The following LUZP2 variants were observed in gnomAD, a reference collection of about 807,000 sequenced individuals.
The protein encoded by LUZP2 is leucine zipper protein 2.
Under a neutral mutation model 51.6 loss-of-function variants are expected in LUZP2, and 52 were observed. That is an observed-to-expected ratio of 1.01 (90% CI 0.81 to 1.27). The LOEUF (loss-of-function observed/expected upper bound fraction) is 1.27, where lower values mean the gene tolerates loss of function less well. Ranked by LOEUF, LUZP2 falls within the 50% of genes most tolerant of loss-of-function variation. The pLI is 0.00. For missense variants in LUZP2, 436 were observed against 395.4 expected (o/e 1.10, Z -0.87); for synonymous variants, 154 against 137.3 (o/e 1.12, Z -0.85).
rs373412555 is a variant in LUZP2 at position 24,763,197 on chromosome 11, A to G, written c.334-49A>G. On this transcript the variant is annotated intron_variant, in intron 4 of 11. Coordinates refer to ENST00000336930, the MANE Select transcript of LUZP2 (RefSeq NM_001009909.4). ...AATAATGAAAAAAATAATGAAAGCC[A>G]TGGTAATGAGTTTGGAATGTGTCTA... 77 of 810,140 alleles carry G rather than the reference A, an allele frequency of 9.5e-5. 1 individual carries two copies. In the African/African-American group the frequency reaches 1.2e-3, roughly 13 times the overall value. 50.2% of individuals were successfully genotyped at this position (810,140 alleles called of 1,614,324 possible). A position where few individuals can be genotyped will look rare whatever the true frequency, so the allele number is the denominator to read the frequency against.
intron 1 of LUZP2, among the ~76,000 whole-genome samples, chr11:24,682,457 T>G (rs1262816872): frequency 6.7e-6 from 1 of 148,262 alleles, no homozygotes; most frequent in African/African-American, 2.5e-5. Flanking sequence ...ATCGTGCCAC[T>G]GCACTCCAGC....
chr11:24,786,341 T>C (rs1422029033), intron 5 of LUZP2: 1 of 982,102 alleles, frequency 1.0e-6, no homozygotes, highest in Non-Finnish European at 1.2e-6. Context: ...TCAGAATTCA[T>C]GGGCATATCT....
chr11:24,583,963 C>T (rs11028039), intron 1 of LUZP2, among the ~76,000 whole-genome samples: 25,192 of 151,618 alleles, frequency 0.17, 2,309 homozygotes, highest in African/African-American at 0.22. Flanking sequence ...CCGCCGGTCT[C>T]GGCCTCCCAA....
At chr11:24,567,524 T>C (rs1852285160) in intron 1 of LUZP2, among the ~76,000 whole-genome samples, 1 of 152,008 alleles carries the variant, frequency 6.6e-6, no homozygotes, top group South Asian at 2.1e-4. Context: ...CAAAGCCAGA[T>C]ACACCATAGT....
At chr11:24,626,098 A>G (rs186858531) in intron 1 of LUZP2, among the ~76,000 whole-genome samples, 4 of 152,248 alleles carry the variant, frequency 2.6e-5, no homozygotes, top group Admixed American at 2.6e-4. Flanking sequence ...TCGGAGGGTT[A>G]TTTTCCTGAT....
At chr11:24,955,304 TA>T (rs1855184033) in intron 7 of LUZP2, among the ~76,000 whole-genome samples, 2 of 151,924 alleles carry the variant, frequency 1.3e-5, no homozygotes, top group Non-Finnish European at 2.9e-5. Context: ...TACTGAGTGT[TA>T]AAAATATCTG....
chr11:25,050,091 G>C lies in LUZP2; in HGVS notation c.819G>C (p.Lys273Asn). 1.3e-6 allele frequency: 2 copies of C among 1,599,176 alleles called. No individual in the cohort carries two copies. The highest frequency in any genetic ancestry group is 3.4e-5 in the Admixed American group (2 of 58,000). ...AGAGCTCTCAAGTTGAGTCAACAAA[G>C]GAAGGAAATCCAAGTACCACTGCCT... The part of the protein sequence containing the change: ...NNESSQVEST[K>N]EGNPSTTACD... The change falls in exon 10 of 12, where the codon AAG becomes AAC. Residue 273 changes from lysine (K) to asparagine (N), a missense_variant. Lys to Asn is a moderately conservative substitution (Grantham distance 94). Coordinates refer to ENST00000336930, the MANE Select transcript of LUZP2 (RefSeq NM_001009909.4).
intron 1 of LUZP2, among the ~76,000 whole-genome samples, chr11:24,627,816 C>T (rs7124697): frequency 0.46 from 69,221 of 151,980 alleles, 16,064 homozygotes; most frequent in African/African-American, 0.55. Flanking sequence ...CAGGCAGTGT[C>T]TCTTGTCACT....
chr11:25,032,223 A>C lies in LUZP2; in HGVS notation c.766-17815A>C, dbSNP rs537960694. Among the ~76,000 whole-genome samples, 25 of 152,266 alleles carry C rather than the reference A, an allele frequency of 1.6e-4. No individual in the cohort carries two copies. In the Middle Eastern group the frequency reaches 0.014, roughly 83 times the overall value. On this transcript the variant is annotated intron_variant, in intron 9 of 11. Coordinates refer to ENST00000336930, the MANE Select transcript of LUZP2 (RefSeq NM_001009909.4). ...TTTAGCCCATTGAGATTCATGTAAG[A>C]TGTCCAACCAACAGAACTTTAGGAT...
intron 9 of LUZP2, among the ~76,000 whole-genome samples, chr11:25,032,141 G>T (rs1054516972): frequency 6.6e-6 from 1 of 152,126 alleles, no homozygotes; most frequent in African/African-American, 2.4e-5. Flanking sequence ...AAGGGCCAGG[G>T]AGTGTATTCC....
intron 1 of LUZP2, among the ~76,000 whole-genome samples, chr11:24,599,532 A>G (rs1046665679): frequency 3.9e-5 from 6 of 152,178 alleles, no homozygotes; most frequent in Non-Finnish European, 8.8e-5. Flanking sequence ...TTGTTCTGCC[A>G]CAGTATCTTC....
At chr11:24,583,131 AATC>A (rs1346395322) in intron 1 of LUZP2, among the ~76,000 whole-genome samples, 2 of 152,118 alleles carry the variant, frequency 1.3e-5, no homozygotes, top group African/African-American at 4.8e-5. Context: ...ATTTACATAT[AATC>A]ATTCTAACAC....
At chr11:24,804,007 A>C (rs1033431500) in intron 5 of LUZP2, among the ~76,000 whole-genome samples, 4 of 151,662 alleles carry the variant, frequency 2.6e-5, no homozygotes, top group Non-Finnish European at 4.4e-5. Flanking sequence ...AAAAAAAAAA[A>C]AAAAAAAACT....
At chr11:24,579,058 C>T (rs1319388184) in intron 1 of LUZP2, among the ~76,000 whole-genome samples, 2 of 151,932 alleles carry the variant, frequency 1.3e-5, no homozygotes, top group African/African-American at 4.8e-5. Flanking sequence ...ATAATTAATA[C>T]CATAGAGTGC....
intron 1 of LUZP2, among the ~76,000 whole-genome samples, chr11:24,559,012 A>G (rs943304728): frequency 1.3e-5 from 2 of 152,198 alleles, no homozygotes; most frequent in Non-Finnish European, 2.9e-5. Flanking sequence ...TGGAAGGAAC[A>G]TGGTCGTAAA....
At chr11:25,050,676 G>A (rs1858481305) in intron 10 of LUZP2, among the ~76,000 whole-genome samples, 1 of 152,106 alleles carries the variant, frequency 6.6e-6, no homozygotes, top group African/African-American at 2.4e-5. Flanking sequence ...GGACAACTGT[G>A]AATATGAGTT....
chr11:24,588,929 C>T, intron 1 of LUZP2, among the ~76,000 whole-genome samples: 1 of 152,210 alleles, frequency 6.6e-6, no homozygotes, highest in Admixed American at 6.6e-5. Context: ...TGTTTCATAG[C>T]CACCTTGGGT....
At chr11:24,709,690 G>T (rs1857742669) in intron 1 of LUZP2, among the ~76,000 whole-genome samples, 1 of 152,150 alleles carries the variant, frequency 6.6e-6, no homozygotes, top group Admixed American at 6.5e-5. Flanking sequence ...ATCTGAGATA[G>T]CACATAACTC....
chr11:24,852,249 A>G (rs1851419938), intron 5 of LUZP2, among the ~76,000 whole-genome samples: 1 of 152,186 alleles, frequency 6.6e-6, no homozygotes. Context: ...ATTTAGTGAT[A>G]TAAATTTCCC....
Sources: allele counts gnomAD v4.1 joint callset (sites outside exome capture counted in the v4.1 genomes callset), GRCh38; gene constraint gnomAD v4.1.1; transcripts MANE v1.5; gene names NCBI Gene and HGNC (gene_info 2026-07-23, HGNC 2026-07-21).